The following OR9Q1 variants were observed in gnomAD, a reference collection of about 807,000 sequenced individuals.
OR9Q1 encodes olfactory receptor 9Q1.
For synonymous variants in OR9Q1, 153 were observed against 148.6 expected, an observed-to-expected ratio of 1.03 and a Z score of -0.22; for missense variants, 374 against 378.8, an observed-to-expected ratio of 0.99 and a Z score of 0.11.
At chr11:58,064,533 A>T (rs961389163) in intron 2 of OR9Q1, among the ~76,000 whole-genome samples, 4 of 152,046 alleles carry the variant, frequency 2.6e-5, no homozygotes, top group African/African-American at 9.7e-5. Context: ...CGCCCAGGAG[A>T]TGTTGCTGGG....
chr11:58,133,010 A>G (rs1409868300), intron 2 of OR9Q1, among the ~76,000 whole-genome samples: 2 of 152,046 alleles, frequency 1.3e-5, no homozygotes, highest in South Asian at 2.1e-4. Context: ...GAAGATGTCT[A>G]TTTATCTGGG....
At chr11:58,037,758 G>A (rs1380248266) in intron 1 of OR9Q1, among the ~76,000 whole-genome samples, 1 of 113,662 alleles carries the variant, frequency 8.8e-6, no homozygotes, top group South Asian at 3.0e-4. Context: ...TCACTCAGTC[G>A]CCCAGGCTGG....
At chr11:58,026,689 A>G (rs1852977323) in intron 1 of OR9Q1, 1 of 147,400 alleles carries the variant, frequency 6.8e-6, no homozygotes, top group Non-Finnish European at 1.5e-5. Context: ...AACCAAAAAA[A>G]AAAAAAAAAA....
intron 1 of OR9Q1, among the ~76,000 whole-genome samples, chr11:58,048,496 CAAA>C (rs11335783): frequency 2.4e-5 from 3 of 123,442 alleles, no homozygotes; most frequent in Non-Finnish European, 3.4e-5. Context: ...ACTAAAAATA[CAAA>C]AAAAAAAAAA....
chr11:58,075,363 C>A (rs757610626), intron 2 of OR9Q1: 1 of 151,932 alleles, frequency 6.6e-6, no homozygotes, highest in African/African-American at 2.4e-5. Context: ...TATTCTCTAG[C>A]GAAGACTTTA....
chr11:58,119,396 A>C (rs1190768824), intron 2 of OR9Q1: 3 of 1,613,584 alleles, frequency 1.9e-6, no homozygotes, highest in Non-Finnish European at 2.5e-6. Flanking sequence ...TGGTCCATAA[A>C]GCCCATGAGA....
chr11:58,109,724 C>CACCA, intron 2 of OR9Q1: 1 of 374,358 alleles, frequency 2.7e-6, no homozygotes, highest in South Asian at 2.1e-5. Context: ...AACTAAAGGT[C>CACCA]TTTGCTTTCT....
At chr11:58,176,614 A>AC (rs1854609354) in intron 2 of OR9Q1, among the ~76,000 whole-genome samples, 1 of 152,150 alleles carries the variant, frequency 6.6e-6, no homozygotes, top group Admixed American at 6.5e-5. Context: ...CAAAGAATAA[A>AC]ACGGTGTCTT....
intron 2 of OR9Q1, among the ~76,000 whole-genome samples, chr11:58,175,125 A>AG (rs1265815296): frequency 6.6e-6 from 1 of 150,846 alleles, no homozygotes; most frequent in Non-Finnish European, 1.5e-5. Flanking sequence ...AAAAAAAAAA[A>AG]AAGGAGATTT....
In OR9Q1 at chr11:58,122,921, C is replaced by CGGTGT. The variant is rs1470700354; in HGVS notation, c.-14-56510_-14-56509insGGTGT. On this transcript the variant is annotated intron_variant, in intron 2 of 2. Coordinates refer to ENST00000335397, the MANE Select transcript of OR9Q1 (RefSeq NM_001005212.4). ...CATAAATCTCATTTTTTAGCATACA[C>CGGTGT]CGTATTTTTGTGATTTGTTTATGTA... Among the ~76,000 whole-genome samples, 3 of 150,382 alleles carry CGGTGT rather than the reference C, an allele frequency of 2.0e-5. No individual in the cohort carries two copies. The East Asian group carries it at 5.8e-4, about 29-fold the overall frequency.
intron 2 of OR9Q1, among the ~76,000 whole-genome samples, chr11:58,065,636 C>T (rs895474835): frequency 5.9e-5 from 9 of 152,046 alleles, no homozygotes; most frequent in African/African-American, 2.2e-4. Flanking sequence ...GTGAATGTGC[C>T]CATGAAGATA....
At chr11:58,166,138 AT>A (rs1431734030) in intron 2 of OR9Q1, among the ~76,000 whole-genome samples, 1 of 152,220 alleles carries the variant, frequency 6.6e-6, no homozygotes, top group East Asian at 1.9e-4. Context: ...ACAGCCTAGG[AT>A]TCTCACATAT....
intron 1 of OR9Q1, chr11:58,031,741 T>A (rs781470229): frequency 7.4e-6 from 12 of 1,614,124 alleles, no homozygotes; most frequent in Non-Finnish European, 4.2e-6. Flanking sequence ...TCTTTATGTA[T>A]GTCCAGACCA....
intron 2 of OR9Q1, among the ~76,000 whole-genome samples, chr11:58,113,704 T>A (rs1021736004): frequency 6.6e-6 from 1 of 152,140 alleles, no homozygotes; most frequent in South Asian, 2.1e-4. Context: ...GACATATTTG[T>A]TCCTGATTAT....
intron 1 of OR9Q1, among the ~76,000 whole-genome samples, chr11:58,028,102 A>T (rs1740689994): frequency 6.7e-6 from 1 of 150,094 alleles, no homozygotes; most frequent in Non-Finnish European, 1.5e-5. Context: ...GCCAGGCCCC[A>T]TGGTGATGCT....
At chr11:58,068,101 G>A (rs1276162031) in intron 2 of OR9Q1, among the ~76,000 whole-genome samples, 3 of 152,044 alleles carry the variant, frequency 2.0e-5, no homozygotes, top group African/African-American at 7.2e-5. Context: ...GACTTTGGGA[G>A]GCCGAGGTGG....
chr11:58,048,690 A>ATATG (rs1460148701), intron 1 of OR9Q1, among the ~76,000 whole-genome samples: 3 of 146,268 alleles, frequency 2.1e-5, no homozygotes, highest in Admixed American at 6.9e-5. Context: ...ATATATATAT[A>ATATG]TATATTTTTT....
intron 2 of OR9Q1, among the ~76,000 whole-genome samples, chr11:58,171,995 G>A (rs1340519958): frequency 6.6e-6 from 1 of 152,154 alleles, no homozygotes; most frequent in Non-Finnish European, 1.5e-5. Context: ...GACAGCGACA[G>A]GGAAGGCTAA....
At chr11:58,166,543 T>G (rs1854507037) in intron 2 of OR9Q1, among the ~76,000 whole-genome samples, 1 of 152,176 alleles carries the variant, frequency 6.6e-6, no homozygotes, top group African/African-American at 2.4e-5. Context: ...TTTCCCTAAT[T>G]TTTTCCAATA....
Sources: allele counts gnomAD v4.1 joint callset (sites outside exome capture counted in the v4.1 genomes callset), GRCh38; gene constraint gnomAD v4.1.1; transcripts MANE v1.5; gene names NCBI Gene and HGNC (gene_info 2026-07-23, HGNC 2026-07-21).